Variants in PTPRN2 observed in about 807,000 individuals in gnomAD.
PTPRN2 encodes the protein receptor-type tyrosine-protein phosphatase N2.
In PTPRN2, 74 loss-of-function variants were observed where a neutral mutation model predicts 118.8. That is an observed-to-expected ratio of 0.62 (90% confidence interval 0.52 to 0.76). The LOEUF (loss-of-function observed/expected upper bound fraction) is 0.76. Among genes scored for constraint, PTPRN2 ranks in the 30% least tolerant of loss-of-function variants. The pLI is 0.00. For missense variants in PTPRN2, 1,481 were observed against 1,394.4 expected (o/e 1.06, Z -0.99); for synonymous variants, 641 against 608.0 (o/e 1.05, Z -0.80).
chr7:157,969,364 C>T (rs1802161840), intron 11 of PTPRN2, among the ~76,000 whole-genome samples: 1 of 152,198 alleles, frequency 6.6e-6, no homozygotes. Context: ...CCCACCTCAG[C>T]CTCCCAATGT....
rs1356385408 is a variant in PTPRN2, at chr7:157,729,085, C to T, written c.1789-46148G>A. On this transcript the variant is annotated intron_variant, in intron 12 of 22. Transcript: ENST00000389418. The surrounding 1 kb of genome is among the most constrained non-coding windows in gnomAD (Gnocchi z 4.3). ...CTGATACCGGGCCTTTGAAAATAGT[C>T]GGGGAGGAAAACAGAAAAGATGCAG... Among the ~76,000 whole-genome samples the T allele has an allele frequency of 3.3e-5, 5 of 151,466 alleles. No homozygotes were observed. The highest frequency in any genetic ancestry group is 4.9e-5 in the African/African-American group (2 of 41,234).
chr7:158,566,174 G>A (rs1827656831), intron 1 of PTPRN2, among the ~76,000 whole-genome samples: 1 of 152,110 alleles, frequency 6.6e-6, no homozygotes, highest in Non-Finnish European at 1.5e-5. Flanking sequence ...CCAACATGGT[G>A]AAGCCCTGTC....
At chr7:158,543,547 A>C (rs1746896811) in intron 1 of PTPRN2, among the ~76,000 whole-genome samples, 1 of 152,244 alleles carries the variant, frequency 6.6e-6, no homozygotes, top group South Asian at 2.1e-4. Flanking sequence ...AATGTAAAAA[A>C]ACTGTTACCA....
intron 10 of PTPRN2, among the ~76,000 whole-genome samples, chr7:158,092,789 G>T (rs991804833): frequency 6.6e-6 from 1 of 152,136 alleles, no homozygotes; most frequent in African/African-American, 2.4e-5. Context: ...TGTTTTAGGG[G>T]CTCCCTAAAG....
chr7:157,836,317 T>C (rs1343972860), intron 12 of PTPRN2, among the ~76,000 whole-genome samples: 2 of 152,232 alleles, frequency 1.3e-5, no homozygotes, highest in African/African-American at 4.8e-5. Context: ...TTAGTTCAAC[T>C]GGATAAGAGG....
chr7:157,783,046 C>T (rs1213045385), intron 12 of PTPRN2, among the ~76,000 whole-genome samples: 2 of 152,190 alleles, frequency 1.3e-5, no homozygotes, highest in East Asian at 3.9e-4. Flanking sequence ...ACCGAGTTCT[C>T]ACAAGATCTG....
intron 11 of PTPRN2, among the ~76,000 whole-genome samples, chr7:157,998,508 G>C (rs867187396): frequency 6.6e-6 from 1 of 152,154 alleles, no homozygotes; most frequent in Non-Finnish European, 1.5e-5. Flanking sequence ...TCTAAATGTA[G>C]ACCGAATAAG....
At chr7:157,608,024 G>C (rs1239896579) in intron 15 of PTPRN2, among the ~76,000 whole-genome samples, 1 of 152,094 alleles carries the variant, frequency 6.6e-6, no homozygotes, top group Admixed American at 6.6e-5. Flanking sequence ...CTTCCTGATC[G>C]CATATTTGAT....
In PTPRN2 at chr7:158,563,233, G is replaced by A. The variant is rs1306812322; in HGVS notation, c.112+24325C>T. Among the ~76,000 whole-genome samples the A allele has an allele frequency of 1.3e-5, 2 of 152,120 alleles. No individual in the cohort carries two copies. The highest frequency in any genetic ancestry group is 2.9e-5 in the Non-Finnish European group (2 of 68,024). On this transcript the variant is annotated intron_variant, in intron 1 of 22. Transcript: ENST00000389418. The surrounding 1 kb of genome is among the most constrained non-coding windows in gnomAD (Gnocchi z 5.1). ...GTTTGCAGCTCGAGACCTTGTCCAG[G>A]GTCCTAAAATGGCTTCTTGGAAAAT...
chr7:158,257,299 G>A (rs2150912261), intron 3 of PTPRN2, among the ~76,000 whole-genome samples: 1 of 150,930 alleles, frequency 6.6e-6, no homozygotes, highest in South Asian at 2.1e-4. Flanking sequence ...TGTTTCTGGG[G>A]TAGGATCCTT....
chr7:158,472,842 G>T (rs1031835555), intron 2 of PTPRN2, among the ~76,000 whole-genome samples: 4 of 152,190 alleles, frequency 2.6e-5, no homozygotes, highest in Non-Finnish European at 5.9e-5. Flanking sequence ...CAGTGACACT[G>T]CGTCAGTAAC....
In PTPRN2 at chr7:158,119,614, G is replaced by A. The variant is rs73745105; in HGVS notation, c.1557-8699C>T. ...CAGTACAAGAAGATATTTGAAAGAG[G>A]GAGAGAGAGAGAGAGAGAGACACCA... On this transcript the variant is annotated intron_variant, in intron 9 of 22. Coordinates refer to ENST00000389418, the MANE Select transcript of PTPRN2 (RefSeq NM_002847.5). Among the ~76,000 whole-genome samples, 39 of 147,178 alleles carry A rather than the reference G, an allele frequency of 2.6e-4. 1 individual carries two copies. Among genetic ancestry groups the A allele is most frequent in the African/African-American group, 1.0e-3 (39 of 39,182 alleles).
chr7:158,448,499 G>T (rs1320770372), intron 2 of PTPRN2, among the ~76,000 whole-genome samples: 1 of 151,988 alleles, frequency 6.6e-6, no homozygotes, highest in Non-Finnish European at 1.5e-5. Context: ...GGAGGGTGGG[G>T]TGGGGAGGGG....
intron 3 of PTPRN2, among the ~76,000 whole-genome samples, chr7:158,310,704 A>G: frequency 6.7e-6 from 1 of 150,226 alleles, no homozygotes; most frequent in Admixed American, 6.6e-5. Flanking sequence ...ACGGAGGGCG[A>G]GCCCTGAGCC....
At chr7:158,187,931 G>T (rs977921795) in intron 5 of PTPRN2, among the ~76,000 whole-genome samples, 3 of 152,156 alleles carry the variant, frequency 2.0e-5, no homozygotes, top group Non-Finnish European at 4.4e-5. Flanking sequence ...GCTGCTGGTG[G>T]AATATTTGAC....
At chr7:157,805,567 TC>T (rs1006452587) in intron 12 of PTPRN2, among the ~76,000 whole-genome samples, 2 of 152,190 alleles carry the variant, frequency 1.3e-5, no homozygotes, top group African/African-American at 4.8e-5. Flanking sequence ...CGACGTAAAC[TC>T]CCGGTTGTTT....
intron 11 of PTPRN2, among the ~76,000 whole-genome samples, chr7:158,055,417 G>T (rs1809710461): frequency 6.6e-6 from 1 of 152,158 alleles, no homozygotes; most frequent in Admixed American, 6.5e-5. Flanking sequence ...CCAGGAAAGG[G>T]AGTCTCCCTT....
At chr7:158,156,705 C>T (rs1030746111) in intron 6 of PTPRN2, among the ~76,000 whole-genome samples, 3 of 152,226 alleles carry the variant, frequency 2.0e-5, no homozygotes, top group Non-Finnish European at 4.4e-5. Flanking sequence ...CGCACTCACC[C>T]GTGGGAAGGG....
chr7:157,915,664 A>C (rs1798354464), intron 11 of PTPRN2, among the ~76,000 whole-genome samples: 3 of 152,030 alleles, frequency 2.0e-5, no homozygotes, highest in Admixed American at 1.3e-4. Flanking sequence ...TATAGACCAC[A>C]AGATCATGAA....
Sources: gnomAD v4.1 joint callset for allele counts (sites outside exome capture counted in the v4.1 genomes callset) on GRCh38, gnomAD v4.1.1 for gene constraint, Gnocchi (gnomAD v3.1) non-coding constraint, MANE v1.5 for transcripts, NCBI Gene and HGNC (gene_info 2026-07-23, HGNC 2026-07-21) for gene names.